The following DENND2A variants were observed in gnomAD, a reference collection of about 807,000 sequenced individuals.
The protein encoded by DENND2A is DENN domain-containing protein 2A.
Under a neutral mutation model 105.3 loss-of-function variants are expected in DENND2A, and 53 were observed. The ratio of observed to expected loss-of-function variants is 0.50; its 90% CI spans 0.40 to 0.63. The LOEUF is 0.63. Among genes scored for constraint, DENND2A ranks in the 30% least tolerant of loss-of-function variants. The pLI is 0.00. For missense variants in DENND2A, 1,138 were observed against 1,279.6 expected (o/e 0.89, Z 1.69); for synonymous variants, 522 against 508.4 (o/e 1.03, Z -0.36).
intron 6 of DENND2A, among the ~76,000 whole-genome samples, chr7:140,573,341 A>C (rs539121119): frequency 2.0e-5 from 3 of 152,298 alleles, no homozygotes; most frequent in African/African-American, 7.2e-5. Context: ...ACGGATGCAT[A>C]TAGAATGTAT....
In DENND2A at chr7:140,523,273, G is replaced by A. The variant is rs768941174; in HGVS notation, c.2665+34C>T. 1.2e-6 allele frequency: 2 copies of A among 1,601,608 alleles called. No homozygotes were observed. The highest frequency in any genetic ancestry group is 3.3e-5 in the Admixed American group (2 of 60,000). On this transcript the variant is annotated intron_variant, in intron 17 of 19. Coordinates refer to ENST00000496613, the MANE Select transcript of DENND2A (RefSeq NM_015689.5). The surrounding 1 kb of genome is among the most constrained non-coding windows in gnomAD (Gnocchi z 4.5). ...TGTTCCCTGACCCTCAGAGTGGAAGGGAGAGACCCACTGGGAGGTGGCTGA... is the reference window on the plus strand; with the variant it reads ...TGTTCCCTGACCCTCAGAGTGGAAGAGAGAGACCCACTGGGAGGTGGCTGA...
chr7:140,530,634 G>GA (rs534845648), intron 14 of DENND2A, among the ~76,000 whole-genome samples: 8 of 144,296 alleles, frequency 5.5e-5, no homozygotes, highest in East Asian at 2.0e-4. Context: ...AAGATACCAA[G>GA]AAAAAAAAAA....
intron 1 of DENND2A, among the ~76,000 whole-genome samples, chr7:140,615,369 A>C (rs1237481364): frequency 6.6e-6 from 1 of 152,196 alleles, no homozygotes; most frequent in Non-Finnish European, 1.5e-5. Context: ...CATATTTGGC[A>C]AAACTGCGGC....
chr7:140,538,568 G>T (rs149485737), intron 14 of DENND2A, among the ~76,000 whole-genome samples: 6,844 of 151,638 alleles, frequency 0.045, 491 homozygotes, highest in African/African-American at 0.15. Context: ...GTGTAGCGGT[G>T]TGATCTCAGC....
Position 140,616,311 on chromosome 7 carries a change from G to A in DENND2A, c.-247-10505C>T, listed in dbSNP as rs9691747. The stretch of plus-strand genomic sequence containing the variant: ...CAGGAGGTGGAGGTGGCAGTGAGCT[G>A]AGATCACACCACTGTACTCCAGCCT... On this transcript the variant is annotated intron_variant, in intron 1 of 19. Coordinates refer to ENST00000496613, the MANE Select transcript of DENND2A (RefSeq NM_015689.5). 2.8e-3 allele frequency among the ~76,000 whole-genome samples: 420 copies of A among 152,250 alleles called. 2 individuals are homozygous for A. The highest frequency in any genetic ancestry group is 9.6e-3 in the African/African-American group (400 of 41,544).
chr7:140,624,166 G>A (rs148065031), intron 1 of DENND2A, among the ~76,000 whole-genome samples: 10 of 152,250 alleles, frequency 6.6e-5, no homozygotes, highest in African/African-American at 2.4e-4. Flanking sequence ...AGGAAATGCT[G>A]AGCCCCTTCT....
intron 12 of DENND2A, among the ~76,000 whole-genome samples, chr7:140,554,928 C>T (rs903935280): frequency 3.9e-5 from 6 of 152,172 alleles, no homozygotes; most frequent in Non-Finnish European, 8.8e-5. Flanking sequence ...ATACATGACA[C>T]ATATGTACGT....
chr7:140,614,091 G>T (rs1262715785), intron 1 of DENND2A, among the ~76,000 whole-genome samples: 2 of 151,982 alleles, frequency 1.3e-5, no homozygotes, highest in Non-Finnish European at 2.9e-5. Flanking sequence ...AGGAGACACA[G>T]ATCTTTTTTA....
chr7:140,602,988 G>C (rs1799571688), intron 2 of DENND2A, among the ~76,000 whole-genome samples: 1 of 150,982 alleles, frequency 6.6e-6, no homozygotes, highest in South Asian at 2.1e-4. Context: ...GTAAAATGAA[G>C]ATCATAATAA....
chr7:140,531,706 T>C (rs909246618), intron 14 of DENND2A, among the ~76,000 whole-genome samples: 1 of 151,604 alleles, frequency 6.6e-6, no homozygotes, highest in Non-Finnish European at 1.5e-5. Context: ...TCCCAGCTAC[T>C]CAGGAGGCTG....
chr7:140,538,817 A>T (rs1017262966), intron 14 of DENND2A, among the ~76,000 whole-genome samples: 2 of 145,614 alleles, frequency 1.4e-5, no homozygotes, highest in African/African-American at 5.1e-5. Flanking sequence ...TTTTTTAAAA[A>T]ATTTTTTCTT....
At chr7:140,543,560 G>A (rs1471206738) in intron 14 of DENND2A, 1 of 152,182 alleles carries the variant, frequency 6.6e-6, no homozygotes, top group Non-Finnish European at 1.5e-5. Context: ...CAGATCTCCA[G>A]TCTGAGCTGC....
At chr7:140,593,773 G>A (rs1260491926) in intron 3 of DENND2A, among the ~76,000 whole-genome samples, 3 of 152,036 alleles carry the variant, frequency 2.0e-5, no homozygotes, top group African/African-American at 7.2e-5. Context: ...CTCAGTCCCC[G>A]AGGCAGCTAC....
At position 140,577,689 on chromosome 7, in the gene DENND2A, C is replaced by T. The variant is rs145834793; in HGVS notation, c.1246-3681G>A. On this transcript the variant is annotated intron_variant, in intron 5 of 19. Coordinates refer to ENST00000496613, the MANE Select transcript of DENND2A (RefSeq NM_015689.5). ...CTGGGATTATAGGCGTGATCCACCG[C>T]GCCCAGCCAGCAAACCTTTTCTAAA... Among the ~76,000 whole-genome samples the T allele has an allele frequency of 5.8e-3, 880 of 152,190 alleles. 10 individuals carry two copies. The highest frequency in any genetic ancestry group is 0.018 in the African/African-American group (764 of 41,526).
intron 14 of DENND2A, among the ~76,000 whole-genome samples, chr7:140,532,769 C>T (rs183635923): frequency 1.3e-5 from 2 of 152,158 alleles, no homozygotes; most frequent in Admixed American, 6.5e-5. Context: ...CCTGTAGTCC[C>T]AGCTACTGAA....
intron 14 of DENND2A, among the ~76,000 whole-genome samples, chr7:140,528,541 G>A (rs1796142378): frequency 6.6e-6 from 1 of 151,932 alleles, no homozygotes; most frequent in Non-Finnish European, 1.5e-5. Flanking sequence ...AGGCCGAGGT[G>A]AGTGGATCAC....
intron 14 of DENND2A, among the ~76,000 whole-genome samples, chr7:140,528,298 G>C (rs1274108233): frequency 6.6e-6 from 1 of 152,182 alleles, no homozygotes; most frequent in African/African-American, 2.4e-5. Context: ...TGTAGCTTTT[G>C]CTTTGTTCTG....
At chr7:140,638,824 C>T (rs1041959557) in intron 1 of DENND2A, among the ~76,000 whole-genome samples, 7 of 152,232 alleles carry the variant, frequency 4.6e-5, no homozygotes, top group Non-Finnish European at 8.8e-5. Flanking sequence ...TTCCCTGCAC[C>T]GGCTCCTCTC....
intron 3 of DENND2A, 62 bp from the exon 4 acceptor site, chr7:140,587,842 G>A: frequency 6.9e-7 from 1 of 1,455,752 alleles, no homozygotes; most frequent in Non-Finnish European, 9.1e-7. Flanking sequence ...CTGTTTCAGA[G>A]AATATATTAA....
Sources: gnomAD v4.1 joint callset for allele counts (sites outside exome capture counted in the v4.1 genomes callset) on GRCh38, gnomAD v4.1.1 for gene constraint, Gnocchi (gnomAD v3.1) non-coding constraint, MANE v1.5 for transcripts, NCBI Gene and HGNC (gene_info 2026-07-23, HGNC 2026-07-21) for gene names.